CYLC2: variants seen among roughly 807,000 people sequenced by gnomAD.
The protein encoded by CYLC2 is cylicin 2, also known as cylicin-2.
CYLC2 carries 30 observed loss-of-function variants against 26.1 expected under a neutral mutation model. The ratio of observed to expected loss-of-function variants is 1.15; its 90% CI spans 0.86 to 1.56. CYLC2 has a LOEUF of 1.56. CYLC2 is among the 40% of genes most tolerant of loss of function. The pLI is 0.00. For synonymous variants in CYLC2, 158 were observed against 132.8 expected, an observed-to-expected ratio of 1.19 and a Z score of -1.31; for missense variants, 498 against 394.4, an observed-to-expected ratio of 1.26 and a Z score of -2.23.
At chr9:103,001,356 T>C (rs544017123) in intron 1 of CYLC2, among the ~76,000 whole-genome samples, 1 of 151,810 alleles carries the variant, frequency 6.6e-6, no homozygotes, top group East Asian at 2.0e-4. Context: ...TATGTATATA[T>C]AGTTTGTTTG....
intron 6 of CYLC2, among the ~76,000 whole-genome samples, chr9:103,014,632 ACAT>A (rs1173554541): frequency 7.0e-6 from 1 of 143,146 alleles, no homozygotes; most frequent in Non-Finnish European, 1.5e-5. Context: ...TATGCAGTAT[ACAT>A]CATATGTATA....
chr9:103,004,995 A>G lies in CYLC2; in HGVS notation c.364A>G (p.Thr122Ala), dbSNP rs1829325025. 4.4e-6 allele frequency: 7 copies of G among 1,585,206 alleles called. No individual in the cohort carries two copies. Among genetic ancestry groups the G allele is most frequent in the Non-Finnish European group, 5.1e-6 (6 of 1,173,016 alleles). Residue 122 changes from threonine to alanine, a missense_variant, in exon 5 of 8, where the codon ACA (threonine) becomes GCA (alanine). Transcript: ENST00000374798. ...AEIGKKGEDKTTQKDTTDSES... is the reference protein window; with the variant it reads ...AEIGKKGEDKATQKDTTDSES... ...AATTGGTAAGAAAGGTGAAGACAAGACAACACAGAAGGACACAACAGATTC... is the reference window on the plus strand; with the variant it reads ...AATTGGTAAGAAAGGTGAAGACAAGGCAACACAGAAGGACACAACAGATTC...
In CYLC2 at chr9:103,004,750, G is replaced by A. The variant is rs146582312; in HGVS notation, c.236G>A (p.Arg79His). 2.9e-5 allele frequency: 46 copies of A among 1,609,814 alleles called. 1 individual carries two copies. Among genetic ancestry groups the A allele is most frequent in the Admixed American group, 1.3e-4 (8 of 59,308 alleles). ...CGTAGACAACCATTATGGATGTACCGTTCTTTAATGAGAATTTCTGAGAGA... is the reference window on the plus strand; with the variant it reads ...CGTAGACAACCATTATGGATGTACCATTCTTTAATGAGAATTTCTGAGAGA... ...GDRRQPLWMY[R>H]SLMRISERPS... Residue 79 changes from arginine (R) to histidine (H), a missense_variant, in exon 4 of 8, where the codon CGT becomes CAT. Coordinates refer to ENST00000374798, the MANE Select transcript of CYLC2 (RefSeq NM_001340.5).
intron 1 of CYLC2, among the ~76,000 whole-genome samples, chr9:103,000,927 G>A (rs1829282332): frequency 6.6e-6 from 1 of 151,790 alleles, no homozygotes. Flanking sequence ...TGTTAAGATA[G>A]TAATAAAACA....
At chr9:103,017,485 G>T (rs1228190216) in intron 7 of CYLC2, among the ~76,000 whole-genome samples, 2 of 151,920 alleles carry the variant, frequency 1.3e-5, no homozygotes, top group African/African-American at 4.8e-5. Flanking sequence ...AAATTGATCT[G>T]AAATAAAGTA....
chr9:103,007,360 G>C (rs932029723), intron 5 of CYLC2, among the ~76,000 whole-genome samples: 1 of 152,002 alleles, frequency 6.6e-6, no homozygotes, highest in African/African-American at 2.4e-5. Flanking sequence ...TTGAAAGAAG[G>C]ATGAAACTCA....
chr9:103,016,082 T>A (rs1222825821), intron 6 of CYLC2, among the ~76,000 whole-genome samples: 3 of 151,770 alleles, frequency 2.0e-5, no homozygotes, highest in Non-Finnish European at 4.4e-5. Flanking sequence ...TTTAGATAGA[T>A]AATTGATATT....
At position 103,005,760 on chromosome 9, in the gene CYLC2, G is replaced by A. The variant is rs540168296; in HGVS notation, c.*82G>A. Reference sequence around the variant, plus strand: ...ATAGTGGTAGTCTGCAGCTGAATTTGTGAGAAAACAAGAGGCCTCAAAGAA... The same window carrying A: ...ATAGTGGTAGTCTGCAGCTGAATTTATGAGAAAACAAGAGGCCTCAAAGAA... On this transcript the variant is annotated 3_prime_UTR_variant, in exon 5 of 8. Transcript: ENST00000374798. The A allele has an allele frequency of 3.5e-6, 5 of 1,447,942 alleles. No homozygotes were observed. In the South Asian group the frequency reaches 7.2e-5, roughly 21 times the overall value. 89.7% of individuals were successfully genotyped at this position (1,447,942 alleles called of 1,614,324 possible). A position where few individuals can be genotyped will look rare whatever the true frequency, so the allele number is the denominator to read the frequency against.
chr9:103,009,925 A>G (rs1347986195), intron 5 of CYLC2, among the ~76,000 whole-genome samples: 1 of 149,972 alleles, frequency 6.7e-6, no homozygotes, highest in Non-Finnish European at 1.5e-5. Flanking sequence ...GTGTATATAC[A>G]CACATATATG....
chr9:103,011,219 A>G (rs1207344862), intron 5 of CYLC2, among the ~76,000 whole-genome samples: 1 of 152,108 alleles, frequency 6.6e-6, no homozygotes, highest in African/African-American at 2.4e-5. Flanking sequence ...TTGCACCAAA[A>G]GGACAATGTG....
chr9:103,007,280 G>T (rs559632494), intron 5 of CYLC2, among the ~76,000 whole-genome samples: 1 of 152,156 alleles, frequency 6.6e-6, no homozygotes, highest in South Asian at 2.1e-4. Context: ...ACTAGCTTAT[G>T]ATAGATGATA....
At chr9:103,011,283 T>C in intron 5 of CYLC2, among the ~76,000 whole-genome samples, 1 of 152,278 alleles carries the variant, frequency 6.6e-6, no homozygotes, top group African/African-American at 2.4e-5. Flanking sequence ...GAAGATTTTT[T>C]ACCCCCCTTC....
chr9:103,016,581 C>G (rs1729665312), intron 6 of CYLC2, among the ~76,000 whole-genome samples: 1 of 151,918 alleles, frequency 6.6e-6, no homozygotes, highest in Non-Finnish European at 1.5e-5. Flanking sequence ...GTGAGAGGAG[C>G]CACTATTTTT....
Position 103,004,835 on chromosome 9 carries a change from G to A in CYLC2, c.321G>A (p.Val107=). The change falls in exon 4 of 8, where the codon GTG becomes GTA. Residue 107 remains valine, a synonymous_variant. Transcript: ENST00000374798. The part of the protein sequence containing the change: ...QPLKPTRTVE[V]DSKAAEIGKK... Reference sequence around the variant, plus strand: ...TCAAACCAACTCGTACTGTCGAGGTGGATTCTAAAGCAGCAGGTAGAGATA... The same window carrying A: ...TCAAACCAACTCGTACTGTCGAGGTAGATTCTAAAGCAGCAGGTAGAGATA... The A allele has an allele frequency of 6.2e-7, 1 of 1,610,040 alleles. No homozygotes were observed. Among genetic ancestry groups the A allele is most frequent in the East Asian group, 2.2e-5 (1 of 44,834 alleles).
intron 6 of CYLC2, among the ~76,000 whole-genome samples, chr9:103,014,421 A>G (rs1420763476): frequency 1.6e-5 from 1 of 64,084 alleles, no homozygotes; most frequent in Non-Finnish European, 3.3e-5. Context: ...AATGTAACAT[A>G]ATAACATAAT....
At chr9:103,011,676 C>A (rs1829408261) in intron 5 of CYLC2, among the ~76,000 whole-genome samples, 1 of 151,854 alleles carries the variant, frequency 6.6e-6, no homozygotes, top group South Asian at 2.1e-4. Flanking sequence ...TGGGTTTATA[C>A]AATAAAGTGT....
At chr9:103,011,521 A>C (rs974896615) in intron 5 of CYLC2, among the ~76,000 whole-genome samples, 3 of 152,064 alleles carry the variant, frequency 2.0e-5, no homozygotes, top group Non-Finnish European at 4.4e-5. Flanking sequence ...AAACCACATG[A>C]GTGACAAAAA....
At chr9:102,999,625 A>G (rs1418632117) in intron 1 of CYLC2, among the ~76,000 whole-genome samples, 1 of 151,316 alleles carries the variant, frequency 6.6e-6, no homozygotes, top group Non-Finnish European at 1.5e-5. Flanking sequence ...TATTCTATCA[A>G]TCTGTGGGCT....
rs1222578264 is a variant in CYLC2, at chr9:102,996,569, A to G, written c.17+1172A>G. Among the ~76,000 whole-genome samples the G allele has an allele frequency of 7.9e-5, 12 of 152,052 alleles. No homozygotes were observed. In the East Asian group the frequency reaches 2.3e-3, roughly 29 times the overall value. On this transcript the variant is annotated intron_variant, in intron 1 of 7. Coordinates refer to ENST00000374798, the MANE Select transcript of CYLC2 (RefSeq NM_001340.5). ...AGAAAAGCATACATAAAAATTCTTA[A>G]TAACAAATTAGCATATTTCTTTGAG...
Sources: allele counts gnomAD v4.1 joint callset (sites outside exome capture counted in the v4.1 genomes callset), GRCh38; gene constraint gnomAD v4.1.1; transcripts MANE v1.5; gene names NCBI Gene and HGNC (gene_info 2026-07-23, HGNC 2026-07-21).